The following FAT1 variants were observed in gnomAD, a reference collection of about 807,000 sequenced individuals.
FAT1 encodes protocadherin Fat 1.
In FAT1, 171 loss-of-function variants were observed where a neutral mutation model predicts 329.8. The observed-to-expected ratio is 0.52, with a 90% confidence interval of 0.46 to 0.59. The LOEUF is 0.59. Among genes scored for constraint, FAT1 ranks in the 20% least tolerant of loss-of-function variants. The pLI is 0.00. For missense variants in FAT1, 5,672 were observed against 5,774.4 expected, an observed-to-expected ratio of 0.98 and a Z score of 0.57; for synonymous variants, 2,233 against 2,228.6, an observed-to-expected ratio of 1.00 and a Z score of -0.06.
At chr4:186,666,464 G>C (rs567961076) in intron 2 of FAT1, among the ~76,000 whole-genome samples, 13 of 152,290 alleles carry the variant, frequency 8.5e-5, no homozygotes, top group Non-Finnish European at 1.9e-4. Context: ...TCTCCGGGAG[G>C]ATTACACATT....
chr4:186,718,900 C>T (rs1487034148), intron 1 of FAT1, among the ~76,000 whole-genome samples: 2 of 152,082 alleles, frequency 1.3e-5, no homozygotes, highest in Non-Finnish European at 2.9e-5. Flanking sequence ...AATGTCAAAC[C>T]AATGACCTTT....
At chr4:186,600,750 G>A (rs543719334) in intron 21 of FAT1, among the ~76,000 whole-genome samples, 281 of 152,204 alleles carry the variant, frequency 1.8e-3, no homozygotes, top group Non-Finnish European at 2.9e-3. Context: ...CACTCTTGTC[G>A]CCCAGGCTGG....
intron 2 of FAT1, among the ~76,000 whole-genome samples, chr4:186,693,459 C>A (rs1254370846): frequency 9.2e-6 from 1 of 109,098 alleles, no homozygotes; most frequent in African/African-American, 4.0e-5. Flanking sequence ...CCTCGAGCAC[C>A]CAGAACCCCG....
chr4:186,657,867 T>C (rs1405614795), intron 3 of FAT1, among the ~76,000 whole-genome samples: 1 of 152,210 alleles, frequency 6.6e-6, no homozygotes, highest in Non-Finnish European at 1.5e-5. Context: ...AAAGACTCTT[T>C]GCAAGGGTGG....
chr4:186,714,315 A>G (rs1170559728), intron 1 of FAT1, among the ~76,000 whole-genome samples: 1 of 152,082 alleles, frequency 6.6e-6, no homozygotes, highest in Non-Finnish European at 1.5e-5. Flanking sequence ...ACAGTACCAG[A>G]GAAGATGCCA....
intron 13 of FAT1, among the ~76,000 whole-genome samples, chr4:186,612,309 C>T (rs1379034959): frequency 1.3e-5 from 2 of 152,096 alleles, no homozygotes; most frequent in Admixed American, 6.5e-5. Flanking sequence ...CAGTACCTAA[C>T]AAACCTTTAC....
chr4:186,715,135 C>G (rs186398377), intron 1 of FAT1, among the ~76,000 whole-genome samples: 5 of 147,710 alleles, frequency 3.4e-5, no homozygotes, highest in Non-Finnish European at 7.4e-5. Context: ...TCCATCCCCC[C>G]ACCAGAAGGC....
rs1192783035 is a variant in FAT1 at position 186,620,069 on chromosome 4, T to C, written c.6517A>G (p.Thr2173Ala). 1.2e-6 allele frequency: 2 copies of C among 1,613,924 alleles called. No individual in the cohort carries two copies. The highest frequency in any genetic ancestry group is 2.2e-5 in the East Asian group (1 of 44,896). Residue 2173 changes from threonine to alanine, a missense_variant, in exon 10 of 27, where the codon ACT (threonine) becomes GCT (alanine). Physicochemically the swap from Thr to Ala is moderately conservative, Grantham distance 58. Coordinates refer to ENST00000441802, the MANE Select transcript of FAT1 (RefSeq NM_005245.4). ...ACAGGCATGGCTTTATTCATGACAG[T>C]GATCGGAACGATAACTTCCGCTGAA... ...AFSAEVIVPI[T>A]VMNKAMPVFE... is the part of the protein sequence containing the mutation.
chr4:186,655,436 G>A (rs1741856876), intron 3 of FAT1, among the ~76,000 whole-genome samples: 1 of 101,778 alleles, frequency 9.8e-6, no homozygotes, highest in African/African-American at 5.6e-5. Context: ...ACCACAATAA[G>A]GTGATTTTTT....
rs765748492 is a variant in FAT1 at position 186,706,945 on chromosome 4, C to T, written c.2883G>A (p.Gln961=). ...CGTGGTCCAGAAGGCTGTATCTCAC[C>T]TGACCAGACTGACCTAAATCAGGAT... ...AHDPDLGQSG[Q]VRYSLLDHGE... is the part of the protein sequence containing the mutation. The change falls in exon 2 of 27, where the codon CAG becomes CAA. Residue 961 remains glutamine, a synonymous_variant. Transcript: ENST00000441802. The T allele has an allele frequency of 1.2e-6, 2 of 1,614,018 alleles. No homozygotes were observed. Among genetic ancestry groups the T allele is most frequent in the Non-Finnish European group, 1.7e-6 (2 of 1,179,890 alleles).
chr4:186,650,877 A>C (rs2126593971), intron 3 of FAT1, among the ~76,000 whole-genome samples: 1 of 152,254 alleles, frequency 6.6e-6, no homozygotes, highest in Non-Finnish European at 1.5e-5. Context: ...GCTCTGAGTT[A>C]GGTAAGCTAC....
At chr4:186,622,703 C>T (rs778657923) in intron 9 of FAT1, among the ~76,000 whole-genome samples, 2 of 152,208 alleles carry the variant, frequency 1.3e-5, no homozygotes, top group African/African-American at 4.8e-5. Flanking sequence ...AAGAAACAAG[C>T]AGTTCTCTAC....
chr4:186,628,112 A>C, intron 9 of FAT1, 42 bp downstream of exon 9: 1 of 1,586,020 alleles, frequency 6.3e-7, no homozygotes, highest in Non-Finnish European at 8.6e-7. Context: ...CAGACTTTTA[A>C]CAACTGCAAA....
At chr4:186,661,276 A>T (rs894434972) in intron 3 of FAT1, among the ~76,000 whole-genome samples, 43 of 152,178 alleles carry the variant, frequency 2.8e-4, no homozygotes, top group African/African-American at 1.0e-3. Context: ...TCACCTGCCA[A>T]GGCAGGACTC....
At chr4:186,673,361 A>T (rs1163386175) in intron 2 of FAT1, among the ~76,000 whole-genome samples, 1 of 152,176 alleles carries the variant, frequency 6.6e-6, no homozygotes, top group Admixed American at 6.5e-5. Context: ...TTTTCTGTCT[A>T]TGTCTTAGAT....
intron 3 of FAT1, among the ~76,000 whole-genome samples, chr4:186,648,762 C>T (rs534677343): frequency 1.8e-4 from 28 of 152,226 alleles, no homozygotes; most frequent in Admixed American, 1.6e-3. Context: ...AATGCCAACC[C>T]CCCTTCTTCC....
In FAT1 at chr4:186,597,945, T is replaced by G. The variant is rs1429554830; in HGVS notation, c.12257+27A>C. 2.5e-6 allele frequency: 4 copies of G among 1,588,024 alleles called. No individual in the cohort carries two copies. In the South Asian group the frequency reaches 4.6e-5, roughly 18 times the overall value. On this transcript the variant is annotated intron_variant, in intron 23 of 26. Transcript: ENST00000441802. ...TTAAGAATTTTATACTACAATTGAT[T>G]ATGAAAGTTAAGAAAAATACACATA...
intron 2 of FAT1, among the ~76,000 whole-genome samples, chr4:186,695,760 A>ACAC (rs1743997898): frequency 5.0e-5 from 7 of 141,338 alleles, no homozygotes; most frequent in East Asian, 2.1e-4. Context: ...TTATATATAA[A>ACAC]ACACACACAC....
rs375983389 is a variant in FAT1 at position 186,640,005 on chromosome 4, G to A, written c.3581-222C>T. 6.5e-4 allele frequency among the ~76,000 whole-genome samples: 99 copies of A among 152,218 alleles called. 2 individuals are homozygous for A. Among genetic ancestry groups the A allele is most frequent in the Non-Finnish European group, 4.6e-4 (31 of 68,022 alleles). The stretch of plus-strand genomic sequence containing the variant: ...AAAAGTTAGCCAGGCATGGTGGCGC[G>A]TGACTGTAATCCCAGCTAATTGGGA... On this transcript the variant is annotated intron_variant, in intron 3 of 26. Transcript: ENST00000441802.
Sources: allele counts gnomAD v4.1 joint callset (sites outside exome capture counted in the v4.1 genomes callset), GRCh38; gene constraint gnomAD v4.1.1; transcripts MANE v1.5; gene names NCBI Gene and HGNC (gene_info 2026-07-23, HGNC 2026-07-21).